Variants in CFAP20DC observed in about 807,000 individuals in gnomAD.
The protein encoded by CFAP20DC is CFAP20 domain containing.
In CFAP20DC, 84 loss-of-function variants were observed where a neutral mutation model predicts 101.7. That is an observed-to-expected ratio of 0.83 (90% CI 0.69 to 0.99). CFAP20DC has a LOEUF of 0.99. CFAP20DC is among the 50% of genes least tolerant of loss of function. The pLI is 0.00. For synonymous variants in CFAP20DC, 359 were observed against 351.2 expected, an observed-to-expected ratio of 1.02 and a Z score of -0.25; for missense variants, 1,007 against 970.3, an observed-to-expected ratio of 1.04 and a Z score of -0.50.
rs1450274619 is a variant in CFAP20DC at position 58,869,305 on chromosome 3, C to A, written c.1015+23G>T. 1.3e-6 allele frequency: 2 copies of A among 1,586,004 alleles called. No individual in the cohort carries two copies. The highest frequency in any genetic ancestry group is 1.7e-6 in the Non-Finnish European group (2 of 1,159,470). Reference sequence around the variant, plus strand: ...CTCACTATTTTCACTAGCTATCAATCTTTATGCATGATTATTTCTTACCAT... The same window carrying A: ...CTCACTATTTTCACTAGCTATCAATATTTATGCATGATTATTTCTTACCAT... On this transcript the variant is annotated intron_variant, in intron 9 of 16. Transcript: ENST00000482387. This position sits in a 1 kb window ranked among gnomAD's most constrained non-coding sequence, Gnocchi z 4.3.
chr3:58,734,820 T>C (rs138091310), intron 3 of CFAP20DC, among the ~76,000 whole-genome samples: 36 of 152,242 alleles, frequency 2.4e-4, no homozygotes, highest in African/African-American at 8.2e-4. Flanking sequence ...CAAGGCTGTG[T>C]ACAAAACAGA....
At position 58,992,608 on chromosome 3, in the gene CFAP20DC, C is replaced by T. The variant is rs577624032; in HGVS notation, c.278+46949G>A. ...TTGGGAAAAGAATGCTGGAGTATCA[C>T]ATTTTGCCTGCCTCCATCAGACAAT... On this transcript the variant is annotated intron_variant, in intron 4 of 16. Coordinates refer to ENST00000482387, the MANE Select transcript of CFAP20DC (RefSeq NM_001394063.1). 1.6e-5 allele frequency: 16 copies of T among 977,340 alleles called. 1 individual carries two copies. The South Asian group carries it at 6.6e-4, about 41-fold the overall frequency. 60.5% of individuals were successfully genotyped at this position (977,340 alleles called of 1,614,324 possible).
intron 14 of CFAP20DC, among the ~76,000 whole-genome samples, chr3:58,819,353 G>A (rs2075438313): frequency 6.6e-6 from 1 of 152,096 alleles, no homozygotes; most frequent in South Asian, 2.1e-4. Context: ...GAATCCAGGA[G>A]CTGGTTTTTT....
chr3:58,757,734 G>A (rs2069100176), intron 15 of CFAP20DC, among the ~76,000 whole-genome samples: 1 of 151,860 alleles, frequency 6.6e-6, no homozygotes, highest in Non-Finnish European at 1.5e-5. Flanking sequence ...CTGGTATAAG[G>A]TATATCTAAT....
At chr3:58,926,065 T>C (rs905933535) in intron 5 of CFAP20DC, among the ~76,000 whole-genome samples, 1 of 152,104 alleles carries the variant, frequency 6.6e-6, no homozygotes, top group African/African-American at 2.4e-5. Flanking sequence ...AGAAAAAAGA[T>C]ATTTAAAAAT....
intron 15 of CFAP20DC, among the ~76,000 whole-genome samples, chr3:58,797,650 G>T (rs190746477): frequency 6.6e-6 from 1 of 152,316 alleles, no homozygotes; most frequent in African/African-American, 2.4e-5. Context: ...GGTTTTCAAT[G>T]TAGACAAAAC....
chr3:58,964,914 C>G lies in CFAP20DC; in HGVS notation c.279-27152G>C, dbSNP rs1055833152. Among the ~76,000 whole-genome samples the G allele has an allele frequency of 2.0e-5, 3 of 152,148 alleles. No individual in the cohort carries two copies. Among genetic ancestry groups the G allele is most frequent in the Non-Finnish European group, 2.9e-5 (2 of 68,024 alleles). On this transcript the variant is annotated intron_variant, in intron 4 of 16. Transcript: ENST00000482387. This position sits in a 1 kb window ranked among gnomAD's most constrained non-coding sequence, Gnocchi z 4.1. ...ACACAATAGTGGACACTTGAAACCA[C>G]TACTGAAATATTTTCTAAAAAGGTT...
At chr3:58,979,341 G>A (rs2092419652) in intron 4 of CFAP20DC, among the ~76,000 whole-genome samples, 1 of 152,152 alleles carries the variant, frequency 6.6e-6, no homozygotes, top group South Asian at 2.1e-4. Context: ...TTGTAAAATT[G>A]CTATAAGGAT....
chr3:58,908,451 T>G (rs568672073), intron 6 of CFAP20DC, among the ~76,000 whole-genome samples: 2 of 152,346 alleles, frequency 1.3e-5, no homozygotes, highest in East Asian at 3.9e-4. Flanking sequence ...CTAAAAAGTT[T>G]ATACTACACA....
chr3:58,850,172 A>G (rs968720305), intron 12 of CFAP20DC, among the ~76,000 whole-genome samples: 119 of 152,220 alleles, frequency 7.8e-4, no homozygotes, highest in Admixed American at 3.3e-3. Context: ...GTAGATAATG[A>G]AAATGAGAAA....
chr3:59,042,697 A>G (rs1412904038), intron 3 of CFAP20DC, among the ~76,000 whole-genome samples: 1 of 152,140 alleles, frequency 6.6e-6, no homozygotes, highest in Non-Finnish European at 1.5e-5. Flanking sequence ...ACAATTTAAA[A>G]GTATTACTCT....
chr3:58,746,531 C>T (rs2068217372), intron 16 of CFAP20DC, among the ~76,000 whole-genome samples: 1 of 152,176 alleles, frequency 6.6e-6, no homozygotes, highest in Non-Finnish European at 1.5e-5. Flanking sequence ...GGGTCTTTAT[C>T]ACCCATTTGC....
intron 6 of CFAP20DC, among the ~76,000 whole-genome samples, chr3:58,890,897 T>C (rs1559776852): frequency 7.1e-6 from 1 of 141,598 alleles, no homozygotes; most frequent in Non-Finnish European, 1.5e-5. Flanking sequence ...CCTCACTTCC[T>C]AGATGGGATG....
chr3:58,806,568 G>C (rs2074075847), intron 14 of CFAP20DC, 112 bp from the exon 15 acceptor site: 6 of 797,762 alleles, frequency 7.5e-6, no homozygotes, highest in Non-Finnish European at 1.3e-5. Flanking sequence ...CCCACAAGAA[G>C]GGTATGGGTG....
intron 15 of CFAP20DC, among the ~76,000 whole-genome samples, chr3:58,774,909 A>G (rs544611900): frequency 6.6e-6 from 1 of 152,290 alleles, no homozygotes; most frequent in African/African-American, 2.4e-5. Context: ...GCAATTCTCA[A>G]TCTTTTGAGG....
intron 12 of CFAP20DC, among the ~76,000 whole-genome samples, chr3:58,850,554 C>A (rs1264718010): frequency 2.7e-5 from 4 of 150,208 alleles, no homozygotes; most frequent in Non-Finnish European, 4.4e-5. Flanking sequence ...TGCCATTGCA[C>A]CCCAGCCTGG....
At chr3:58,806,631 C>T (rs867694929) in intron 14 of CFAP20DC, among the ~76,000 whole-genome samples, 175 bp from the exon 15 acceptor site, 16 of 152,186 alleles carry the variant, frequency 1.1e-4, no homozygotes, top group South Asian at 1.0e-3. Flanking sequence ...CAGCTCCCAG[C>T]GTGAGCGATG....
In CFAP20DC at chr3:58,871,501, T is replaced by C. The variant is rs78308720; in HGVS notation, c.716-1192A>G. ...CATTTCTGAGCATACCCTGTCGTTA[T>C]ATGGGCCGCATGACTGAATTCCGAC... On this transcript the variant is annotated intron_variant, in intron 7 of 16. Coordinates refer to ENST00000482387, the MANE Select transcript of CFAP20DC (RefSeq NM_001394063.1). Among the ~76,000 whole-genome samples the C allele has an allele frequency of 2.7e-3, 416 of 152,006 alleles. 2 individuals are homozygous for C. The highest frequency in any genetic ancestry group is 4.7e-3 in the Non-Finnish European group (319 of 67,972).
rs1391679623 is a variant in CFAP20DC at position 58,788,278 on chromosome 3, T to C, written c.2237+18117A>G. On this transcript the variant is annotated intron_variant, in intron 15 of 16. Transcript: ENST00000482387. The surrounding 1 kb of genome is among the most constrained non-coding windows in gnomAD (Gnocchi z 4.2). ...AGCATGGTTGATTTGGGGCCGTCTA[T>C]TGGAGATGGATGTTTCTAATATAAT... Among the ~76,000 whole-genome samples the C allele has an allele frequency of 2.0e-5, 3 of 151,992 alleles. No individual in the cohort carries two copies. Among genetic ancestry groups the C allele is most frequent in the South Asian group, 2.1e-4 (1 of 4,814 alleles).
Sources: allele counts gnomAD v4.1 joint callset (sites outside exome capture counted in the v4.1 genomes callset), GRCh38; gene constraint gnomAD v4.1.1; non-coding constraint Gnocchi (gnomAD v3.1); transcripts MANE v1.5; gene names NCBI Gene and HGNC (gene_info 2026-07-23, HGNC 2026-07-21).